The following PTPN21 variants were observed in gnomAD, a reference collection of about 807,000 sequenced individuals.
PTPN21 encodes the protein tyrosine-protein phosphatase non-receptor type 21.
In PTPN21, 77 loss-of-function variants were observed where a neutral mutation model predicts 131.8. That is an observed-to-expected ratio of 0.58 (90% CI 0.49 to 0.71). The LOEUF (loss-of-function observed/expected upper bound fraction) is 0.71. PTPN21 is among the 30% of genes least tolerant of loss of function. PTPN21 has a pLI of 0.00. For synonymous variants in PTPN21, 715 were observed against 621.3 expected (o/e 1.15, Z -2.24); for missense variants, 1,552 against 1,527.1 (o/e 1.02, Z -0.27).
intron 10 of PTPN21, among the ~76,000 whole-genome samples, chr14:88,489,642 C>T (rs2077792782): frequency 6.6e-6 from 1 of 152,020 alleles, no homozygotes; most frequent in African/African-American, 2.4e-5. Flanking sequence ...AGAGCAAGAC[C>T]CCGTCTCTTT....
In PTPN21 at chr14:88,526,307, T is replaced by G. The variant is rs570159363; in HGVS notation, c.181-9046A>C. 7.2e-5 allele frequency among the ~76,000 whole-genome samples: 11 copies of G among 152,234 alleles called. No individual in the cohort carries two copies. The South Asian group carries it at 2.3e-3, about 32-fold the overall frequency. On this transcript the variant is annotated intron_variant, in intron 2 of 18. Transcript: ENST00000556564. ...GCTCACATCTATAATCCCAGCACTT[T>G]GGGAGGCTGAGGCAGGCAGATCATG...
intron 2 of PTPN21, among the ~76,000 whole-genome samples, chr14:88,541,857 T>C (rs908170987): frequency 3.3e-5 from 5 of 152,114 alleles, no homozygotes; most frequent in African/African-American, 1.2e-4. Context: ...CTCTGGGAAG[T>C]AGAAGACCAG....
chr14:88,533,314 A>G (rs1292975926), intron 2 of PTPN21, among the ~76,000 whole-genome samples: 1 of 152,230 alleles, frequency 6.6e-6, no homozygotes, highest in Non-Finnish European at 1.5e-5. Context: ...TTAGTCAACG[A>G]CAGACCACAA....
intron 14 of PTPN21, among the ~76,000 whole-genome samples, chr14:88,472,816 A>C (rs2077491897): frequency 6.6e-6 from 1 of 152,134 alleles, no homozygotes; most frequent in South Asian, 2.1e-4. Context: ...GCTGCAGTGA[A>C]CCATGAGAAC....
rs565258555 is a variant in PTPN21, at chr14:88,501,441, C to T, written c.588-73G>A. 4 of 1,244,526 alleles carry T rather than the reference C, an allele frequency of 3.2e-6. No homozygotes were observed. The African/African-American group carries it at 4.5e-5, about 14-fold the overall frequency. 77.1% of individuals were successfully genotyped at this position (1,244,526 alleles called of 1,614,324 possible). A position where few individuals can be genotyped will look rare whatever the true frequency, so the allele number is the denominator to read the frequency against. On this transcript the variant is annotated intron_variant, in intron 6 of 18. Transcript: ENST00000556564. ...GTTTAAAATAAAGCTTTTCTTAAAA[C>T]CTATATGTCAATTTAGCATAAGACA...
At chr14:88,504,382 C>T in intron 6 of PTPN21, 43 bp downstream of exon 6, 4 of 1,327,236 alleles carry the variant, frequency 3.0e-6, no homozygotes, top group Non-Finnish European at 4.3e-6. Flanking sequence ...TTCAAGCAGA[C>T]ATTGGTTCTA....
At position 88,479,971 on chromosome 14, in the gene PTPN21, G is replaced by A. The variant is rs1165315283; in HGVS notation, c.1460C>T (p.Ala487Val). ...IGSSYAYSRP[A>V]ALVYSQPEIR... ...CTCGGGCTGGCTGTAGACCAGCGCC[G>A]CGGGCCTGCTGTAGGCGTACGAGCT... The change falls in exon 13 of 19, where the codon GCG becomes GTG. Residue 487 changes from alanine (A) to valine (V), a missense_variant. This residue lies in a region of PTPN21 where 1,016 missense variants were observed against 883.5 expected (regional missense o/e 1.15). Transcript: ENST00000556564. 4.3e-6 allele frequency: 7 copies of A among 1,609,692 alleles called. No individual in the cohort carries two copies. Among genetic ancestry groups the A allele is most frequent in the Non-Finnish European group, 5.9e-6 (7 of 1,179,996 alleles).
intron 6 of PTPN21, among the ~76,000 whole-genome samples, chr14:88,502,175 A>G (rs2078019165): frequency 6.6e-6 from 1 of 152,106 alleles, no homozygotes; most frequent in Admixed American, 6.5e-5. Flanking sequence ...TTGCATCTCC[A>G]GCCTCATCTT....
At chr14:88,505,686 G>A (rs1279263219) in intron 4 of PTPN21, among the ~76,000 whole-genome samples, 2 of 152,084 alleles carry the variant, frequency 1.3e-5, no homozygotes, top group African/African-American at 4.8e-5. Flanking sequence ...CTTATGTACA[G>A]GAAAATGTCA....
At chr14:88,527,721 CTT>C (rs1237533502) in intron 2 of PTPN21, among the ~76,000 whole-genome samples, 1 of 152,182 alleles carries the variant, frequency 6.6e-6, no homozygotes, top group Non-Finnish European at 1.5e-5. Context: ...GTCACAGACT[CTT>C]TGCCTAGGCC....
chr14:88,489,657 A>T (rs970076205), intron 10 of PTPN21, among the ~76,000 whole-genome samples: 4 of 152,116 alleles, frequency 2.6e-5, no homozygotes, highest in African/African-American at 9.7e-5. Flanking sequence ...CTCTTTAAAA[A>T]AATAAATAAA....
rs181631344 is a variant in PTPN21, at chr14:88,538,967, T to G, written c.180+11271A>C. Among the ~76,000 whole-genome samples, 15 of 152,320 alleles carry G rather than the reference T, an allele frequency of 9.8e-5. No individual in the cohort carries two copies. In the East Asian group the frequency reaches 2.3e-3, roughly 23 times the overall value. On this transcript the variant is annotated intron_variant, in intron 2 of 18. Transcript: ENST00000556564. ...GTAATACGAGATCTTCTTATCATGG[T>G]TTTCTAGTCCCTTTAAACAGTATAA...
Position 88,505,508 on chromosome 14 carries a change from T to TA in PTPN21, c.449-138dup, listed in dbSNP as rs1327090940. 57 of 525,426 alleles carry TA rather than the reference T, an allele frequency of 1.1e-4. No homozygotes were observed. In the South Asian group the frequency reaches 2.2e-3, roughly 21 times the overall value. 32.5% of individuals were successfully genotyped at this position (525,426 alleles called of 1,614,324 possible). A position where few individuals can be genotyped will look rare whatever the true frequency, so the allele number is the denominator to read the frequency against. ...TCAAATTTGTTATAGCTATATAAAG[T>TA]ATATTTTTAAAGTATCTTTTTAAAA... is the stretch of plus-strand genomic sequence containing the variant. On this transcript the variant is annotated intron_variant, in intron 4 of 18. Coordinates refer to ENST00000556564, the MANE Select transcript of PTPN21 (RefSeq NM_007039.4).
At chr14:88,518,285 TAC>T (rs2078318248) in intron 2 of PTPN21, among the ~76,000 whole-genome samples, 4 of 67,888 alleles carry the variant, frequency 5.9e-5, no homozygotes, top group Non-Finnish European at 7.6e-5. Flanking sequence ...CACACACACA[TAC>T]GCACACACAC....
At chr14:88,471,496 T>TC (rs1385010541) in intron 15 of PTPN21, among the ~76,000 whole-genome samples, 5 of 152,062 alleles carry the variant, frequency 3.3e-5, no homozygotes, top group Admixed American at 3.3e-4. Context: ...AGACTGGATA[T>TC]CCATAAGCAG....
At position 88,537,518 on chromosome 14, in the gene PTPN21, A is replaced by T. The variant is rs928439324; in HGVS notation, c.180+12720T>A. Among the ~76,000 whole-genome samples, 26 of 152,276 alleles carry T rather than the reference A, an allele frequency of 1.7e-4. 1 individual carries two copies. The Middle Eastern group carries it at 0.01, about 60-fold the overall frequency. On this transcript the variant is annotated intron_variant, in intron 2 of 18. Coordinates refer to ENST00000556564, the MANE Select transcript of PTPN21 (RefSeq NM_007039.4). ...ACTACATGTCAATCACTGTTCTGGG[A>T]ACTAGGAATACAGCATTGAACATGA...
At chr14:88,548,896 A>G (rs1004278908) in intron 2 of PTPN21, among the ~76,000 whole-genome samples, 9 of 152,180 alleles carry the variant, frequency 5.9e-5, no homozygotes, top group African/African-American at 2.2e-4. Flanking sequence ...AAACCTCCCA[A>G]TCGGTACTCT....
At chr14:88,542,777 T>C (rs1173509995) in intron 2 of PTPN21, among the ~76,000 whole-genome samples, 2 of 152,184 alleles carry the variant, frequency 1.3e-5, no homozygotes, top group Admixed American at 1.3e-4. Flanking sequence ...TCATTTATAA[T>C]TGGTGTTAGA....
chr14:88,476,413 A>G (rs779282752), intron 13 of PTPN21, among the ~76,000 whole-genome samples: 1 of 152,192 alleles, frequency 6.6e-6, no homozygotes, highest in African/African-American at 2.4e-5. Flanking sequence ...TTACAAATGT[A>G]AAAACTGAGT....
Sources: allele counts gnomAD v4.1 joint callset (sites outside exome capture counted in the v4.1 genomes callset), GRCh38; gene constraint gnomAD v4.1.1; regional missense constraint gnomAD v4.1.1; transcripts MANE v1.5; gene names NCBI Gene and HGNC (gene_info 2026-07-23, HGNC 2026-07-21).